GLB1: variants seen among roughly 807,000 people sequenced by gnomAD.
GLB1 encodes the protein galactosidase beta 1.
GLB1 carries 56 observed loss-of-function variants against 74.0 expected under a neutral mutation model. The ratio of observed to expected loss-of-function variants is 0.76; its 90% CI spans 0.61 to 0.94. The LOEUF (loss-of-function observed/expected upper bound fraction) is 0.94, where lower values mean the gene tolerates loss of function less well. Ranked by LOEUF, GLB1 falls within the 40% of genes least tolerant of loss-of-function variation. The pLI is 0.00. For missense variants in GLB1, 787 were observed against 845.5 expected, an observed-to-expected ratio of 0.93 and a Z score of 0.86; for synonymous variants, 323 against 323.6, an observed-to-expected ratio of 1.00 and a Z score of 0.02.
At chr3:33,000,345 T>A (rs1040184185) in intron 15 of GLB1, among the ~76,000 whole-genome samples, 9 of 152,178 alleles carry the variant, frequency 5.9e-5, no homozygotes, top group African/African-American at 2.2e-4. Context: ...AGCTATTTTT[T>A]AAAAAAGTGT....
chr3:33,009,154 T>TAAATAAATAAATAAATA (rs761134064), intron 15 of GLB1, among the ~76,000 whole-genome samples: 23 of 131,518 alleles, frequency 1.7e-4, no homozygotes, highest in Non-Finnish European at 3.7e-4. Context: ...AATAAATAAA[T>TAAATAAATAAATAAATA]AAAAAAGATT....
At chr3:33,041,409 C>G (rs1033151664) in intron 10 of GLB1, among the ~76,000 whole-genome samples, 5 of 152,116 alleles carry the variant, frequency 3.3e-5, no homozygotes, top group African/African-American at 1.2e-4. Context: ...CACCTGTAAT[C>G]CCAGCACTTC....
the GLB1 span, among the ~76,000 whole-genome samples, chr3:32,974,697 TG>T: frequency 6.6e-6 from 1 of 152,112 alleles, no homozygotes; most frequent in Non-Finnish European, 1.5e-5. Flanking sequence ...CTAAAAGAGT[TG>T]ATGTTTCCAT....
chr3:33,081,293 C>T (rs950844298), intron 1 of GLB1, among the ~76,000 whole-genome samples: 8 of 152,142 alleles, frequency 5.3e-5, no homozygotes, highest in Admixed American at 1.3e-4. Context: ...AAATCCCAGG[C>T]CGGATATGGG....
the GLB1 span, among the ~76,000 whole-genome samples, chr3:32,974,138 A>G: frequency 6.6e-6 from 1 of 152,204 alleles, no homozygotes; most frequent in African/African-American, 2.4e-5. Flanking sequence ...AACAACTAGA[A>G]CTGTGGTATG....
rs1696322740 is a variant in GLB1 at position 32,996,853 on chromosome 3, C to A, written c.*192G>T. The A allele has an allele frequency of 6.3e-6, 6 of 947,610 alleles. No individual in the cohort carries two copies. Among genetic ancestry groups the A allele is most frequent in the Non-Finnish European group, 1.6e-6 (1 of 636,298 alleles). 58.7% of individuals were successfully genotyped at this position (947,610 alleles called of 1,614,324 possible). On this transcript the variant is annotated 3_prime_UTR_variant, in exon 16 of 16. Coordinates refer to ENST00000307363, the MANE Select transcript of GLB1 (RefSeq NM_000404.4). ...GTATGCACGTTACTGTGCTGTCAGC[C>A]CCTCACACATTCCAGGTGGTCCCTG...
intron 14 of GLB1, among the ~76,000 whole-genome samples, chr3:33,015,696 C>G (rs1697211726): frequency 6.6e-6 from 1 of 152,210 alleles, no homozygotes; most frequent in African/African-American, 2.4e-5. Flanking sequence ...ATGAAGTCCA[C>G]CCTGAGCACA....
At chr3:33,047,931 C>T (rs1477997918) in intron 9 of GLB1, among the ~76,000 whole-genome samples, 1 of 151,998 alleles carries the variant, frequency 6.6e-6, no homozygotes, top group Non-Finnish European at 1.5e-5. Context: ...GGTTAAAACA[C>T]ATCCCTTCCT....
At chr3:32,962,616 A>G in the GLB1 span, among the ~76,000 whole-genome samples, 1 of 152,200 alleles carries the variant, frequency 6.6e-6, no homozygotes, top group Non-Finnish European at 1.5e-5. Context: ...ATGCAAGTTA[A>G]TAAGGGAAGA....
At chr3:33,079,438 G>C (rs1700244501) in intron 1 of GLB1, among the ~76,000 whole-genome samples, 1 of 152,158 alleles carries the variant, frequency 6.6e-6, no homozygotes, top group Non-Finnish European at 1.5e-5. Flanking sequence ...GGAGGGCATT[G>C]ATATCTGCAA....
intron 15 of GLB1, among the ~76,000 whole-genome samples, chr3:33,009,730 T>C (rs1052007204): frequency 2.6e-5 from 4 of 152,192 alleles, no homozygotes; most frequent in East Asian, 1.9e-4. Flanking sequence ...AGCATATCCA[T>C]CAGCTCCAAT....
At chr3:33,069,709 T>C (rs988764732) in intron 2 of GLB1, among the ~76,000 whole-genome samples, 4 of 152,240 alleles carry the variant, frequency 2.6e-5, no homozygotes, top group African/African-American at 9.6e-5. Flanking sequence ...ATAACTTTAT[T>C]TGAACATGAC....
intron 1 of GLB1, chr3:33,091,136 A>T: frequency 3.0e-6 from 3 of 985,428 alleles, no homozygotes; most frequent in Non-Finnish European, 3.6e-6. Flanking sequence ...TGATTCACAA[A>T]ATGCGGTCGG....
At chr3:33,091,059 G>A (rs72856187) in intron 1 of GLB1, 13,139 of 985,288 alleles carry the variant, frequency 0.013, 553 homozygotes, top group African/African-American at 0.12. Context: ...ATCAAACAGT[G>A]GAAGTGAAAT....
intron 9 of GLB1, among the ~76,000 whole-genome samples, chr3:33,048,170 T>G (rs1004264821): frequency 1.3e-5 from 2 of 152,040 alleles, no homozygotes; most frequent in African/African-American, 4.8e-5. Flanking sequence ...CCAGGTTGAG[T>G]TGGGAAAGTG....
At chr3:32,967,085 G>A in the GLB1 span, among the ~76,000 whole-genome samples, 1 of 152,194 alleles carries the variant, frequency 6.6e-6, no homozygotes, top group Non-Finnish European at 1.5e-5. Context: ...TAGGATGTCT[G>A]CTCTTCCATT....
the GLB1 span, among the ~76,000 whole-genome samples, chr3:32,991,600 T>C: frequency 6.6e-5 from 10 of 152,214 alleles, no homozygotes; most frequent in Admixed American, 3.3e-4. Flanking sequence ...CCATGCAGCT[T>C]CCACCTGCTT....
chr3:33,033,894 C>T (rs11545), intron 10 of GLB1: 1 of 531,076 alleles, frequency 1.9e-6, no homozygotes, highest in Admixed American at 2.0e-5. Flanking sequence ...GTGGATACCT[C>T]CCATAAGGAT....
chr3:33,040,295 T>C (rs1698446095), intron 10 of GLB1, among the ~76,000 whole-genome samples: 1 of 152,218 alleles, frequency 6.6e-6, no homozygotes, highest in Non-Finnish European at 1.5e-5. Context: ...TAATGTTCCC[T>C]GGTACCTGCC....
Sources: gnomAD v4.1 joint callset for allele counts (sites outside exome capture counted in the v4.1 genomes callset) on GRCh38, gnomAD v4.1.1 for gene constraint, MANE v1.5 for transcripts, NCBI Gene and HGNC (gene_info 2026-07-23, HGNC 2026-07-21) for gene names.